The following WTAP variants were observed in gnomAD, a reference collection of about 807,000 sequenced individuals.
WTAP encodes the protein pre-mRNA-splicing regulator WTAP.
A neutral mutation model predicts 50.0 loss-of-function variants in WTAP; 8 were observed. That is an observed-to-expected ratio of 0.16 (90% CI 0.09 to 0.29). WTAP has a LOEUF of 0.29. WTAP is among the 10% of genes least tolerant of loss of function. WTAP has a pLI of 1.00. For synonymous variants in WTAP, 194 were observed against 169.0 expected (o/e 1.15, Z -1.15); for missense variants, 295 against 470.7 (o/e 0.63, Z 3.45).
Position 159,727,583 on chromosome 6 carries a change from G to T in WTAP, c.-129G>T, listed in dbSNP as rs1157387158. ...GGGGTTGCGGCGGGACTAGGAGCGC[G>T]GCGGGGCCGGCGGCAGAGCTGTCCG... On this transcript the variant is annotated 5_prime_UTR_variant, in exon 1 of 8. Coordinates refer to ENST00000621533, the MANE Select transcript of WTAP (RefSeq NM_001270531.2). 1 of 986,958 alleles carries T rather than the reference G, an allele frequency of 1.0e-6. No individual in the cohort carries two copies. Among genetic ancestry groups the T allele is most frequent in the South Asian group, 4.5e-5 (1 of 21,982 alleles). 61.1% of individuals were successfully genotyped at this position (986,958 alleles called of 1,614,324 possible). A position where few individuals can be genotyped will look rare whatever the true frequency, so the allele number is the denominator to read the frequency against.
Position 159,739,037 on chromosome 6 carries a change from A to G in WTAP, c.78A>G (p.Leu26=). 1 of 1,610,954 alleles carries G rather than the reference A, an allele frequency of 6.2e-7. No homozygotes were observed. The highest frequency in any genetic ancestry group is 8.5e-7 in the Non-Finnish European group (1 of 1,178,152). ...TDFKVMARDE[L]ILRWKQYEAY... is the part of the protein sequence containing the mutation. ...TCAAAGTTATGGCAAGAGATGAGTT[A>G]ATTCTAAGGTAAAATGTTCTCTGTT... The change falls in exon 3 of 8, where the codon TTA becomes TTG. Residue 26 remains leucine, a synonymous_variant. Coordinates refer to ENST00000621533, the MANE Select transcript of WTAP (RefSeq NM_001270531.2).
At position 159,755,768 on chromosome 6, in the gene WTAP, T is replaced by TAA; in HGVS notation, c.*157_*158insAA. The TAA allele has an allele frequency of 1.8e-6, 1 of 561,248 alleles. No individual in the cohort carries two copies. Among genetic ancestry groups the TAA allele is most frequent in the Non-Finnish European group, 2.3e-6 (1 of 432,512 alleles). 34.8% of individuals were successfully genotyped at this position (561,248 alleles called of 1,614,324 possible). A position where few individuals can be genotyped will look rare whatever the true frequency, so the allele number is the denominator to read the frequency against. On this transcript the variant is annotated 3_prime_UTR_variant, in exon 8 of 8. Coordinates refer to ENST00000621533, the MANE Select transcript of WTAP (RefSeq NM_001270531.2). ...TTCTTTGTTTTTTTTTTCTTTTCTTTTTTTTTTTTTTTTTTTTTTTTTGCT... is the reference window on the plus strand; with the variant it reads ...TTCTTTGTTTTTTTTTTCTTTTCTTTAATTTTTTTTTTTTTTTTTTTTTTGCT...
In WTAP at chr6:159,755,888, G is replaced by T; in HGVS notation, c.*277G>T. 1 of 366,276 alleles carries T rather than the reference G, an allele frequency of 2.7e-6. No homozygotes were observed. The highest frequency in any genetic ancestry group is 4.4e-6 in the Non-Finnish European group (1 of 224,770). The allele number at this position is 366,276 out of a possible 1,614,324, so 22.7% of individuals were successfully genotyped here. ...GTAGGGTCAAGTTATTTTTATATGA[G>T]TTAATGTGAAATTGTAAATGGAAAT... On this transcript the variant is annotated 3_prime_UTR_variant, in exon 8 of 8. Coordinates refer to ENST00000621533, the MANE Select transcript of WTAP (RefSeq NM_001270531.2).
intron 1 of WTAP, among the ~76,000 whole-genome samples, chr6:159,734,629 G>C (rs1046593673): frequency 6.6e-6 from 1 of 152,006 alleles, no homozygotes; most frequent in South Asian, 2.1e-4. Flanking sequence ...TGGGCACTAT[G>C]GTGGGTCCCC....
intron 5 of WTAP, among the ~76,000 whole-genome samples, chr6:159,744,677 T>C (rs1779463622): frequency 6.6e-6 from 1 of 152,232 alleles, no homozygotes; most frequent in Non-Finnish European, 1.5e-5. Context: ...TTTACTTTGC[T>C]AAAGGCTGGC....
intron 3 of WTAP, among the ~76,000 whole-genome samples, chr6:159,741,121 C>G (rs1345906120): frequency 2.0e-5 from 3 of 152,078 alleles, no homozygotes; most frequent in African/African-American, 7.2e-5. Context: ...CTTAAGTATG[C>G]AGGATAGCAG....
At chr6:159,727,249 G>C, upstream of WTAP, 1 of 1,282,480 alleles carries the variant, frequency 7.8e-7, no homozygotes, top group Middle Eastern at 2.1e-4. Flanking sequence ...CTAGGCCGAC[G>C]GCCTCCCTCC....
In WTAP at chr6:159,755,760, C is replaced by CTTTTTTTTTTTTTTTTTTTTTTTTTTTTT. The variant is rs1779984995; in HGVS notation, c.*153_*154insTTTTTTTTTTTTTTTTTTTTTTTTTTTTT. ...TGTTTTTTTTCTTTGTTTTTTTTTTCTTTTCTTTTTTTTTTTTTTTTTTTT... is the reference window on the plus strand; with the variant it reads ...TGTTTTTTTTCTTTGTTTTTTTTTTCTTTTTTTTTTTTTTTTTTTTTTTTTTTTTTTTTCTTTTTTTTTTTTTTTTTTTT... On this transcript the variant is annotated 3_prime_UTR_variant, in exon 8 of 8. Coordinates refer to ENST00000621533, the MANE Select transcript of WTAP (RefSeq NM_001270531.2). 1.1e-5 allele frequency: 3 copies of CTTTTTTTTTTTTTTTTTTTTTTTTTTTTT among 283,704 alleles called. No individual in the cohort carries two copies. Among genetic ancestry groups the CTTTTTTTTTTTTTTTTTTTTTTTTTTTTT allele is most frequent in the African/African-American group, 1.0e-4 (2 of 19,976 alleles). 17.6% of individuals were successfully genotyped at this position (283,704 alleles called of 1,614,324 possible). A position where few individuals can be genotyped will look rare whatever the true frequency, so the allele number is the denominator to read the frequency against.
intron 2 of WTAP, 163 bp downstream of exon 2, chr6:159,736,458 A>G (rs1778923800): frequency 1.8e-6 from 1 of 570,562 alleles, no homozygotes; most frequent in Middle Eastern, 4.7e-4. Context: ...ACAGTGTGCC[A>G]GATATTGTAT....
upstream of WTAP, chr6:159,726,784 C>A (rs73599377): frequency 3.1e-6 from 4 of 1,288,958 alleles, no homozygotes; most frequent in Non-Finnish European, 4.0e-6. Context: ...ACGAACCCAG[C>A]GGCCAGGAGA....
At position 159,737,528 on chromosome 6, in the gene WTAP, C is replaced by G. The variant is rs138986678; in HGVS notation, c.30+1233C>G. On this transcript the variant is annotated intron_variant, in intron 2 of 7. Coordinates refer to ENST00000621533, the MANE Select transcript of WTAP (RefSeq NM_001270531.2). ...TTATTTTCTGAGACAGAGTCTCACT[C>G]TGTTGCCCATGCTGGAGTGCAGTGG... is the stretch of plus-strand genomic sequence containing the variant. Among the ~76,000 whole-genome samples the G allele has an allele frequency of 5.3e-5, 8 of 152,254 alleles. No homozygotes were observed. The East Asian group carries it at 1.2e-3, about 22-fold the overall frequency.
At chr6:159,746,783 T>C (rs1440434075) in intron 5 of WTAP, among the ~76,000 whole-genome samples, 1 of 152,236 alleles carries the variant, frequency 6.6e-6, no homozygotes, top group Non-Finnish European at 1.5e-5. Flanking sequence ...TAAAACTAAC[T>C]TTGAAAACAC....
upstream of WTAP, chr6:159,727,046 A>C (rs960599445): frequency 8.2e-7 from 1 of 1,222,286 alleles, no homozygotes; most frequent in African/African-American, 1.6e-5. Context: ...CCCGGCGAGT[A>C]CTTCCACCTT....
chr6:159,739,507 C>G (rs78312047), intron 3 of WTAP, among the ~76,000 whole-genome samples: 1 of 152,186 alleles, frequency 6.6e-6, no homozygotes, highest in Admixed American at 6.5e-5. Context: ...TGAATTTCTG[C>G]GGTTATCTTG....
At chr6:159,727,153 G>A (rs1394905056), upstream of WTAP, 3 of 1,194,618 alleles carry the variant, frequency 2.5e-6, no homozygotes, top group Non-Finnish European at 3.2e-6. Context: ...TCCGGGGCCC[G>A]CGGAGCTCGC....
At chr6:159,733,890 C>CGGGCAACAA (rs1391182872) in intron 1 of WTAP, among the ~76,000 whole-genome samples, 4 of 152,122 alleles carry the variant, frequency 2.6e-5, no homozygotes, top group South Asian at 2.1e-4. Context: ...CACTCCACCC[C>CGGGCAACAA]GGGCAACAAG....
At chr6:159,740,712 T>C (rs1316433358) in intron 3 of WTAP, among the ~76,000 whole-genome samples, 6 of 151,210 alleles carry the variant, frequency 4.0e-5, no homozygotes, top group Non-Finnish European at 8.9e-5. Flanking sequence ...TTCTTTCTTT[T>C]TTTTTTTTTT....
At chr6:159,744,982 A>G (rs527551642) in intron 5 of WTAP, 3 of 152,334 alleles carry the variant, frequency 2.0e-5, no homozygotes, top group African/African-American at 7.2e-5. Context: ...CACCTGGCCC[A>G]TTATCATTTT....
chr6:159,745,930 C>A (rs929662706), intron 5 of WTAP, among the ~76,000 whole-genome samples: 3 of 152,062 alleles, frequency 2.0e-5, no homozygotes, highest in Non-Finnish European at 4.4e-5. Context: ...TGAAAAAAAT[C>A]TAGGGAGGAA....
Sources: gnomAD v4.1 joint callset for allele counts (sites outside exome capture counted in the v4.1 genomes callset) on GRCh38, gnomAD v4.1.1 for gene constraint, MANE v1.5 for transcripts, NCBI Gene and HGNC (gene_info 2026-07-23, HGNC 2026-07-21) for gene names.